The following MLF1 variants were observed in gnomAD, a reference collection of about 807,000 sequenced individuals.
MLF1 encodes myelodysplasia-myeloid leukemia factor 1.
MLF1 carries 37 observed loss-of-function variants against 38.3 expected under a neutral mutation model. The ratio of observed to expected loss-of-function variants is 0.96; its 90% CI spans 0.74 to 1.27. The LOEUF (loss-of-function observed/expected upper bound fraction) is 1.27. MLF1 is among the 50% of genes most tolerant of loss of function. The probability of loss-of-function intolerance (pLI) is 0.00; values close to 1 mark genes in which losing one functional copy is unlikely to be tolerated. For synonymous variants in MLF1, 95 were observed against 106.5 expected, an observed-to-expected ratio of 0.89 and a Z score of 0.66; for missense variants, 331 against 349.2, an observed-to-expected ratio of 0.95 and a Z score of 0.42.
At chr3:158,594,294 G>T (rs1473127003) in intron 3 of MLF1, among the ~76,000 whole-genome samples, 2 of 152,094 alleles carry the variant, frequency 1.3e-5, no homozygotes, top group Non-Finnish European at 2.9e-5. Flanking sequence ...ATTAGTAGAA[G>T]TTAGCCAGAA....
chr3:158,584,621 T>A (rs1398200418), intron 1 of MLF1, among the ~76,000 whole-genome samples: 1 of 151,784 alleles, frequency 6.6e-6, no homozygotes, highest in East Asian at 1.9e-4. Context: ...AAAATATGCT[T>A]GCAAGGAATG....
intron 5 of MLF1, 110 bp downstream of exon 5, chr3:158,598,318 C>G: frequency 7.2e-6 from 7 of 976,678 alleles, no homozygotes; most frequent in Middle Eastern, 4.7e-4. Flanking sequence ...GGTGGGGGGA[C>G]AGGAGGGAGG....
intron 1 of MLF1, among the ~76,000 whole-genome samples, chr3:158,580,912 C>T (rs1380858303): frequency 6.6e-6 from 1 of 152,100 alleles, no homozygotes; most frequent in East Asian, 1.9e-4. Context: ...GAACATGCCA[C>T]ATTGCACTCC....
At position 158,592,476 on chromosome 3, in the gene MLF1, A is replaced by G. The variant is rs1157687959; in HGVS notation, c.90A>G (p.Ile30Met). 1 of 1,611,894 alleles carries G rather than the reference A, an allele frequency of 6.2e-7. No homozygotes were observed. Among genetic ancestry groups the G allele is most frequent in the Non-Finnish European group, 8.5e-7 (1 of 1,179,248 alleles). The stretch of plus-strand genomic sequence containing the variant: ...ACCGAGAAAATATGCGACAGATGAT[A>G]AGAAGTTTTTCTGAACCCTTTGGAA... ...LAHRENMRQM[I>M]RSFSEPFGRD... Residue 30 changes from isoleucine (I) to methionine (M), a missense_variant, in exon 2 of 8, where the codon ATA (isoleucine) becomes ATG (methionine). Ile to Met is a conservative substitution (Grantham distance 10). Coordinates refer to ENST00000466246, the MANE Select transcript of MLF1 (RefSeq NM_001369783.1).
At chr3:158,580,018 G>T (rs1451867730) in intron 1 of MLF1, among the ~76,000 whole-genome samples, 2 of 152,190 alleles carry the variant, frequency 1.3e-5, no homozygotes, top group African/African-American at 4.8e-5. Flanking sequence ...TACTGCAAAG[G>T]TATAACGAAT....
chr3:158,605,446 A>T lies in MLF1; in HGVS notation c.*244A>T. ...ATGTAAAACTCTTTAAAACATACTA[A>T]TTTTTTAAAGCTTATATGCTTATTT... On this transcript the variant is annotated 3_prime_UTR_variant, in exon 8 of 8. Coordinates refer to ENST00000466246, the MANE Select transcript of MLF1 (RefSeq NM_001369783.1). 1 of 314,938 alleles carries T rather than the reference A, an allele frequency of 3.2e-6. No individual in the cohort carries two copies. Among genetic ancestry groups the T allele is most frequent in the Non-Finnish European group, 5.8e-6 (1 of 171,892 alleles). The allele number at this position is 314,938 out of a possible 1,614,324, so 19.5% of individuals were successfully genotyped here. A position where few individuals can be genotyped will look rare whatever the true frequency, so the allele number is the denominator to read the frequency against.
chr3:158,592,586 GT>G lies in MLF1; in HGVS notation c.195+7del, dbSNP rs769920681. Reference sequence around the variant, plus strand: ...GATGGTGAAGATTCTTTGACTGTAAGTTCTTTTTTTTAAGACAGTTAGTGAG... The same window carrying G: ...GATGGTGAAGATTCTTTGACTGTAAGTCTTTTTTTTAAGACAGTTAGTGAG... On this transcript the variant is annotated splice_donor_region_variant and intron_variant, in intron 2 of 7. Coordinates refer to ENST00000466246, the MANE Select transcript of MLF1 (RefSeq NM_001369783.1). 34 of 1,585,872 alleles carry G rather than the reference GT, an allele frequency of 2.1e-5. No homozygotes were observed. The highest frequency in any genetic ancestry group is 1.3e-4 in the Admixed American group (7 of 55,580).
intron 1 of MLF1, among the ~76,000 whole-genome samples, chr3:158,591,886 A>G (rs772687256): frequency 6.6e-6 from 1 of 152,206 alleles, no homozygotes; most frequent in Non-Finnish European, 1.5e-5. Context: ...ATTGGATAAC[A>G]GTAACAGGTT....
At chr3:158,598,316 G>C (rs1458760823) in intron 5 of MLF1, 108 bp downstream of exon 5, 9 of 853,650 alleles carry the variant, frequency 1.1e-5, no homozygotes, top group African/African-American at 1.8e-5. Flanking sequence ...ATGGTGGGGG[G>C]ACAGGAGGGA....
chr3:158,589,797 C>G (rs1175610525), intron 1 of MLF1, among the ~76,000 whole-genome samples: 1 of 152,116 alleles, frequency 6.6e-6, no homozygotes, highest in Non-Finnish European at 1.5e-5. Context: ...GGCTACATTC[C>G]TTCTGGAGTT....
rs148909985 is a variant in MLF1 at position 158,582,382 on chromosome 3, C to A, written c.48-10052C>A. Among the ~76,000 whole-genome samples, 559 of 151,544 alleles carry A rather than the reference C, an allele frequency of 3.7e-3. 3 individuals are homozygous for A. The highest frequency in any genetic ancestry group is 0.013 in the African/African-American group (542 of 41,318). On this transcript the variant is annotated intron_variant, in intron 1 of 7. Transcript: ENST00000466246. ...GTAGGGCAACTACGAAAGATATAACCTGTAATAGGAGTACCATAGTACAAA... is the reference window on the plus strand; with the variant it reads ...GTAGGGCAACTACGAAAGATATAACATGTAATAGGAGTACCATAGTACAAA...
rs556119144 is a variant in MLF1 at position 158,582,830 on chromosome 3, A to C, written c.48-9604A>C. On this transcript the variant is annotated intron_variant, in intron 1 of 7. Coordinates refer to ENST00000466246, the MANE Select transcript of MLF1 (RefSeq NM_001369783.1). ...TTTGTTGACAGTAGACCTGCCTTGC[A>C]AGAAATGTTAAAAGAAGTTCTTCAG... 5 of 674,748 alleles carry C rather than the reference A, an allele frequency of 7.4e-6. No individual in the cohort carries two copies. The African/African-American group carries it at 9.0e-5, about 12-fold the overall frequency. The allele number at this position is 674,748 out of a possible 1,614,324, so 41.8% of individuals were successfully genotyped here.
chr3:158,584,435 C>G (rs976458316), intron 1 of MLF1, among the ~76,000 whole-genome samples: 15 of 152,102 alleles, frequency 9.9e-5, no homozygotes, highest in Non-Finnish European at 1.8e-4. Flanking sequence ...AATCCAGACC[C>G]TATACAACAT....
At chr3:158,597,073 G>T (rs912118296) in intron 4 of MLF1, 128 bp downstream of exon 4, 3 of 540,730 alleles carry the variant, frequency 5.5e-6, no homozygotes, top group South Asian at 2.8e-5. Context: ...AACCCAATAA[G>T]CAATATTTGT....
chr3:158,594,960 G>A (rs1202108402), intron 3 of MLF1, among the ~76,000 whole-genome samples: 1 of 152,124 alleles, frequency 6.6e-6, no homozygotes, highest in East Asian at 1.9e-4. Flanking sequence ...AGCTGAGCTA[G>A]AGATAATTTA....
At chr3:158,597,209 G>A (rs976855370) in intron 4 of MLF1, among the ~76,000 whole-genome samples, 1 of 151,680 alleles carries the variant, frequency 6.6e-6, no homozygotes, top group South Asian at 2.1e-4. Flanking sequence ...ACTAAATTGA[G>A]TTCATAACCT....
At chr3:158,576,817 C>T (rs1225885086) in intron 1 of MLF1, among the ~76,000 whole-genome samples, 1 of 151,700 alleles carries the variant, frequency 6.6e-6, no homozygotes, top group South Asian at 2.1e-4. Context: ...GGATTACAGG[C>T]GCACACCACC....
At chr3:158,596,556 GA>G (rs1408823750) in intron 3 of MLF1, among the ~76,000 whole-genome samples, 1 of 152,070 alleles carries the variant, frequency 6.6e-6, no homozygotes, top group African/African-American at 2.4e-5. Context: ...ATTATGTTTT[GA>G]AAAAGTGAGT....
chr3:158,571,358 G>T lies in MLF1; in HGVS notation c.47+11G>T. On this transcript the variant is annotated intron_variant, in intron 1 of 7. Transcript: ENST00000466246. ...TGACCCCTTCTTCTCGTGAGTTACG[G>T]GAGCCAGGAGTCCGGGGTCGCGCGG... is the stretch of plus-strand genomic sequence containing the variant. 1.9e-6 allele frequency: 3 copies of T among 1,613,088 alleles called. No homozygotes were observed. The highest frequency in any genetic ancestry group is 2.5e-6 in the Non-Finnish European group (3 of 1,179,914).
Sources: gnomAD v4.1 joint callset for allele counts (sites outside exome capture counted in the v4.1 genomes callset) on GRCh38, gnomAD v4.1.1 for gene constraint, MANE v1.5 for transcripts, NCBI Gene and HGNC (gene_info 2026-07-23, HGNC 2026-07-21) for gene names.